Variants in UNC79 observed in about 807,000 individuals in gnomAD.
UNC79 encodes protein unc-79 homolog.
A neutral mutation model predicts 283.1 loss-of-function variants in UNC79; 37 were observed. The observed-to-expected ratio is 0.13, with a 90% CI of 0.10 to 0.17. The LOEUF (loss-of-function observed/expected upper bound fraction) is 0.17, where lower values mean the gene tolerates loss of function less well. Among genes scored for constraint, UNC79 ranks in the 10% least tolerant of loss-of-function variants. UNC79 has a pLI of 1.00. For synonymous variants in UNC79, 1,107 were observed against 1,200.2 expected, an observed-to-expected ratio of 0.92 and a Z score of 1.61; for missense variants, 2,272 against 3,211.1, an observed-to-expected ratio of 0.71 and a Z score of 7.07.
chr14:93,395,773 A>G (rs891384589), intron 1 of UNC79, among the ~76,000 whole-genome samples: 3 of 151,902 alleles, frequency 2.0e-5, no homozygotes, highest in Non-Finnish European at 2.9e-5. Flanking sequence ...TCAGCTGTTG[A>G]TCTTATTGAG....
intron 34 of UNC79, among the ~76,000 whole-genome samples, chr14:93,644,454 C>A (rs1331731816): frequency 2.0e-5 from 3 of 152,184 alleles, no homozygotes; most frequent in Non-Finnish European, 4.4e-5. Flanking sequence ...GTGCTTTAGG[C>A]TGCAGGCGTT....
chr14:93,509,887 G>A (rs929158943), intron 7 of UNC79, among the ~76,000 whole-genome samples: 5 of 152,146 alleles, frequency 3.3e-5, no homozygotes, highest in Non-Finnish European at 5.9e-5. Context: ...CTCTGTGTAC[G>A]GGCTTCAACT....
At chr14:93,608,813 G>A (rs1178919106) in intron 26 of UNC79, among the ~76,000 whole-genome samples, 1 of 152,148 alleles carries the variant, frequency 6.6e-6, no homozygotes. Context: ...TATACAGAAT[G>A]TAAGCTCTGA....
At chr14:93,627,622 G>T (rs969531638) in intron 30 of UNC79, among the ~76,000 whole-genome samples, 1 of 152,104 alleles carries the variant, frequency 6.6e-6, no homozygotes, top group African/African-American at 2.4e-5. Context: ...TGTTATTCTT[G>T]CAAACATTCT....
intron 22 of UNC79, 57 bp downstream of exon 22, chr14:93,586,965 A>C (rs988421647): frequency 1.9e-6 from 3 of 1,576,040 alleles, no homozygotes; most frequent in Non-Finnish European, 2.6e-6. Context: ...TAGTTGTGAA[A>C]ATTAAAGTTA....
intron 38 of UNC79, among the ~76,000 whole-genome samples, chr14:93,658,301 A>G (rs886206633): frequency 1.3e-5 from 2 of 152,220 alleles, no homozygotes; most frequent in African/African-American, 4.8e-5. Flanking sequence ...AGGACTTGCT[A>G]AAACACAACT....
intron 41 of UNC79, among the ~76,000 whole-genome samples, chr14:93,679,384 G>A (rs899944305): frequency 6.6e-6 from 1 of 152,064 alleles, no homozygotes; most frequent in Admixed American, 6.6e-5. Context: ...GCTTGAGCCC[G>A]GGACACAGAG....
intron 7 of UNC79, among the ~76,000 whole-genome samples, chr14:93,509,285 C>G (rs1440481008): frequency 1.3e-5 from 2 of 151,978 alleles, no homozygotes; most frequent in Non-Finnish European, 2.9e-5. Context: ...GACACAAATC[C>G]AAATCATATA....
chr14:93,390,487 T>TA (rs1473189377), intron 1 of UNC79, among the ~76,000 whole-genome samples: 2 of 152,102 alleles, frequency 1.3e-5, no homozygotes, highest in African/African-American at 4.8e-5. Context: ...AGAAAAGAAA[T>TA]AAGAGAAATA....
At chr14:93,572,633 G>A in intron 15 of UNC79, 60 bp from the exon 16 acceptor site, 1 of 1,600,928 alleles carries the variant, frequency 6.2e-7, no homozygotes, top group East Asian at 2.2e-5. Flanking sequence ...GACGGTGGTG[G>A]TATTAGTAGA....
At chr14:93,524,516 A>G (rs1038028281) in intron 8 of UNC79, among the ~76,000 whole-genome samples, 4 of 152,194 alleles carry the variant, frequency 2.6e-5, no homozygotes, top group Non-Finnish European at 5.9e-5. Flanking sequence ...CAGCATATAC[A>G]TGGAAAGTTA....
chr14:93,467,627 C>CATTTT, intron 1 of UNC79, 44 bp from the exon 2 acceptor site: 1 of 828,960 alleles, frequency 1.2e-6, no homozygotes, highest in East Asian at 9.0e-5. Flanking sequence ...TTTTCTTCTT[C>CATTTT]CTTTTTTTTT....
At chr14:93,401,944 G>C (rs941632005) in intron 1 of UNC79, among the ~76,000 whole-genome samples, 2 of 152,094 alleles carry the variant, frequency 1.3e-5, no homozygotes, top group African/African-American at 4.8e-5. Flanking sequence ...CACACAGGAC[G>C]TATCCAATTC....
At chr14:93,578,549 C>T (rs150802626) in intron 18 of UNC79, among the ~76,000 whole-genome samples, 110 of 152,224 alleles carry the variant, frequency 7.2e-4, no homozygotes, top group Non-Finnish European at 1.4e-3. Context: ...CCAAATACTC[C>T]TCCCCACAAT....
At chr14:93,561,263 A>C (rs1325938040) in intron 14 of UNC79, among the ~76,000 whole-genome samples, 1 of 152,174 alleles carries the variant, frequency 6.6e-6, no homozygotes, top group East Asian at 1.9e-4. Context: ...AGCCACAGGA[A>C]AAGTAGTTTT....
chr14:93,482,823 C>T (rs1444722173), intron 4 of UNC79, among the ~76,000 whole-genome samples: 2 of 152,146 alleles, frequency 1.3e-5, no homozygotes, highest in African/African-American at 4.8e-5. Context: ...AAAGCCAGAG[C>T]TATCCTCCAA....
At chr14:93,581,351 C>A (rs1455933736) in intron 19 of UNC79, among the ~76,000 whole-genome samples, 1 of 150,382 alleles carries the variant, frequency 6.6e-6, no homozygotes, top group African/African-American at 2.4e-5. Context: ...TTTAAACATT[C>A]TTTTAGAGAT....
In UNC79 at chr14:93,593,579, C is replaced by A. The variant is rs2064847840; in HGVS notation, c.3033-101C>A. On this transcript the variant is annotated intron_variant, in intron 22 of 48. Coordinates refer to ENST00000555664, the Ensembl canonical transcript of UNC79. ...TCATTTCACCAAAAGCACCCCTACC[C>A]ACCGTCTTGTAACTACTCTTGCCAT... 14 of 1,411,854 alleles carry A rather than the reference C, an allele frequency of 9.9e-6. No homozygotes were observed. In the South Asian group the frequency reaches 2.0e-4, roughly 20 times the overall value. 87.5% of individuals were successfully genotyped at this position (1,411,854 alleles called of 1,614,324 possible).
intron 1 of UNC79, among the ~76,000 whole-genome samples, chr14:93,354,257 G>T (rs1466358142): frequency 6.6e-6 from 1 of 152,170 alleles, no homozygotes; most frequent in Non-Finnish European, 1.5e-5. Flanking sequence ...CTTACAGGCT[G>T]TGTTTTATGG....
Sources: gnomAD v4.1 joint callset for allele counts (sites outside exome capture counted in the v4.1 genomes callset) on GRCh38, gnomAD v4.1.1 for gene constraint, MANE v1.5 for transcripts, NCBI Gene and HGNC (gene_info 2026-07-23, HGNC 2026-07-21) for gene names.